The following CCDC62 variants were observed in gnomAD, a reference collection of about 807,000 sequenced individuals.
CCDC62 encodes coiled-coil domain containing 62.
A neutral mutation model predicts 80.8 loss-of-function variants in CCDC62; 72 were observed. The observed-to-expected ratio is 0.89, with a 90% CI of 0.74 to 1.08. The LOEUF (loss-of-function observed/expected upper bound fraction) is 1.08, where lower values mean the gene tolerates loss of function less well. CCDC62 is among the 50% of genes least tolerant of loss of function. The probability of loss-of-function intolerance (pLI) is 0.00; values close to 1 mark genes in which losing one functional copy is unlikely to be tolerated. For missense variants in CCDC62, 704 were observed against 809.4 expected, an observed-to-expected ratio of 0.87 and a Z score of 1.58; for synonymous variants, 286 against 296.5, an observed-to-expected ratio of 0.96 and a Z score of 0.36.
chr12:122,774,640 C>T lies in CCDC62; in HGVS notation c.-31C>T. ...CGTTTCTGAGGTGACGCCGCCCACA[C>T]CGGGCTTCTCCGGGGGCGGAGGAAA... On this transcript the variant is annotated 5_prime_UTR_variant, in exon 1 of 13. Coordinates refer to ENST00000253079, the MANE Select transcript of CCDC62 (RefSeq NM_201435.5). 8.0e-7 allele frequency: 1 copy of T among 1,244,748 alleles called. No homozygotes were observed. Among genetic ancestry groups the T allele is most frequent in the Non-Finnish European group, 1.0e-6 (1 of 985,430 alleles). The allele number at this position is 1,244,748 out of a possible 1,614,324, so 77.1% of individuals were successfully genotyped here. A position where few individuals can be genotyped will look rare whatever the true frequency, so the allele number is the denominator to read the frequency against.
intron 5 of CCDC62, 37 bp downstream of exon 5, chr12:122,788,966 T>A: frequency 6.8e-7 from 1 of 1,463,404 alleles, no homozygotes; most frequent in Non-Finnish European, 9.2e-7. Flanking sequence ...ACAAATGTAT[T>A]ATCTTGGGAA....
intron 5 of CCDC62, among the ~76,000 whole-genome samples, chr12:122,791,317 T>G (rs547132158): frequency 8.0e-4 from 121 of 152,150 alleles, no homozygotes; most frequent in Non-Finnish European, 1.3e-3. Context: ...TTTTGTATTT[T>G]TAGTAGAGAC....
intron 3 of CCDC62, among the ~76,000 whole-genome samples, chr12:122,782,072 C>T (rs879594079): frequency 2.3e-4 from 35 of 150,254 alleles, no homozygotes; most frequent in African/African-American, 8.1e-4. Flanking sequence ...CAGTGGTGTA[C>T]GCCTGTAGTC....
At chr12:122,781,635 A>G (rs1183127836) in intron 3 of CCDC62, among the ~76,000 whole-genome samples, 2 of 151,692 alleles carry the variant, frequency 1.3e-5, no homozygotes, top group Non-Finnish European at 2.9e-5. Flanking sequence ...CGGTGAGCCA[A>G]GATCGCGCCA....
At chr12:122,800,959 T>G (rs1187988769) in intron 8 of CCDC62, among the ~76,000 whole-genome samples, 165 bp from the exon 9 acceptor site, 1 of 152,156 alleles carries the variant, frequency 6.6e-6, no homozygotes, top group Non-Finnish European at 1.5e-5. Context: ...GTGGGCTTTG[T>G]GGTCAGAAAG....
At chr12:122,788,431 G>T (rs1416851465) in intron 4 of CCDC62, among the ~76,000 whole-genome samples, 1 of 152,162 alleles carries the variant, frequency 6.6e-6, no homozygotes, top group Non-Finnish European at 1.5e-5. Flanking sequence ...TAATGGAATG[G>T]TCTGGCTCTA....
At chr12:122,778,327 C>T (rs1341407134) in intron 2 of CCDC62, among the ~76,000 whole-genome samples, 2 of 148,522 alleles carry the variant, frequency 1.3e-5, no homozygotes, top group Admixed American at 1.4e-4. Flanking sequence ...GCACTCCAGC[C>T]TGTGGGACAG....
chr12:122,789,208 G>T (rs1158101378), intron 5 of CCDC62, among the ~76,000 whole-genome samples: 1 of 152,140 alleles, frequency 6.6e-6, no homozygotes, highest in Non-Finnish European at 1.5e-5. Context: ...ATGCTTTGTG[G>T]CAGACAACAT....
chr12:122,797,325 A>G lies in CCDC62; in HGVS notation c.791A>G (p.Lys264Arg). 3 of 1,576,652 alleles carry G rather than the reference A, an allele frequency of 1.9e-6. No individual in the cohort carries two copies. The highest frequency in any genetic ancestry group is 2.6e-6 in the Non-Finnish European group (3 of 1,146,338). ...LLFTVEREKRKDELLNIAKSK... is the reference protein window; with the variant it reads ...LLFTVEREKRRDELLNIAKSK... ...TAAATAGTAGAGAGAGAAAAGAGGA[A>G]AGATGAATTGCTTAATATTGCGAAG... Residue 264 changes from lysine (K) to arginine (R), a missense_variant, in exon 7 of 13, where the codon AAA becomes AGA. By Grantham distance (26) the Lys-to-Arg change is conservative. Coordinates refer to ENST00000253079, the MANE Select transcript of CCDC62 (RefSeq NM_201435.5).
chr12:122,809,291 A>C (rs1398861512), intron 10 of CCDC62, among the ~76,000 whole-genome samples: 1 of 151,982 alleles, frequency 6.6e-6, no homozygotes, highest in Admixed American at 6.6e-5. Context: ...GGAGTTGAAG[A>C]CCAGCCTGGC....
At chr12:122,780,863 C>T (rs839354) in intron 2 of CCDC62, among the ~76,000 whole-genome samples, 142,031 of 152,066 alleles carry the variant, frequency 0.93, 66,492 homozygotes, top group East Asian at 0.99. Flanking sequence ...TTGAGGCATG[C>T]GGTCACTGGT....
chr12:122,812,823 G>GAA (rs780157575), intron 10 of CCDC62, among the ~76,000 whole-genome samples: 97 of 147,496 alleles, frequency 6.6e-4, no homozygotes, highest in African/African-American at 2.0e-3. Context: ...AAGAAAGAAA[G>GAA]AAAGAAAAGG....
intron 9 of CCDC62, 145 bp downstream of exon 9, chr12:122,801,997 C>A: frequency 1.2e-6 from 1 of 854,204 alleles, no homozygotes; most frequent in Non-Finnish European, 1.8e-6. Context: ...ACCAATGGTT[C>A]CCTCTTTTCA....
At chr12:122,815,638 G>A (rs559717325) in intron 11 of CCDC62, among the ~76,000 whole-genome samples, 27 of 151,786 alleles carry the variant, frequency 1.8e-4, no homozygotes, top group Admixed American at 1.6e-3. Flanking sequence ...TGGTAGAGAC[G>A]GGCTTTCACC....
intron 12 of CCDC62, among the ~76,000 whole-genome samples, chr12:122,824,733 A>G (rs2032547337): frequency 6.6e-6 from 1 of 152,190 alleles, no homozygotes; most frequent in South Asian, 2.1e-4. Context: ...CACAATTCGC[A>G]ATTGCAAAAA....
chr12:122,824,279 G>C (rs1486021713), intron 12 of CCDC62, among the ~76,000 whole-genome samples: 1 of 152,006 alleles, frequency 6.6e-6, no homozygotes, highest in Non-Finnish European at 1.5e-5. Flanking sequence ...AGCCAAGCAT[G>C]GTGGCGGGCA....
chr12:122,774,732 G>C, intron 1 of CCDC62, 26 bp downstream of exon 1: 1 of 1,245,412 alleles, frequency 8.0e-7, no homozygotes, highest in Non-Finnish European at 1.0e-6. Context: ...GGGCGCGGCG[G>C]GGCGCCGCGG....
At chr12:122,811,769 C>T (rs2031898743) in intron 10 of CCDC62, among the ~76,000 whole-genome samples, 1 of 125,794 alleles carries the variant, frequency 7.9e-6, no homozygotes, top group African/African-American at 3.0e-5. Context: ...TTGCAGTGAG[C>T]TGAGATCACG....
At chr12:122,780,353 C>G (rs537721892) in intron 2 of CCDC62, among the ~76,000 whole-genome samples, 1 of 150,032 alleles carries the variant, frequency 6.7e-6, no homozygotes, top group Non-Finnish European at 1.5e-5. Context: ...GTGGCTCACG[C>G]CTGTAATCCC....
Sources: allele counts gnomAD v4.1 joint callset (sites outside exome capture counted in the v4.1 genomes callset), GRCh38; gene constraint gnomAD v4.1.1; transcripts MANE v1.5; gene names NCBI Gene and HGNC (gene_info 2026-07-23, HGNC 2026-07-21).